MYO15A: variants seen among roughly 807,000 people sequenced by gnomAD.
The protein encoded by MYO15A is myosin XVA, also known as unconventional myosin-XV.
A neutral mutation model predicts 394.6 loss-of-function variants in MYO15A; 308 were observed. That is an observed-to-expected ratio of 0.78 (90% confidence interval 0.71 to 0.86). MYO15A has a LOEUF of 0.86. Among genes scored for constraint, MYO15A ranks in the 40% least tolerant of loss-of-function variants. The pLI, the probability that MYO15A is intolerant of heterozygous loss-of-function variation, is 0.00. For missense variants in MYO15A, 4,606 were observed against 4,799.1 expected, an observed-to-expected ratio of 0.96 and a Z score of 1.19; for synonymous variants, 1,957 against 2,003.8, an observed-to-expected ratio of 0.98 and a Z score of 0.62.
chr17:18,112,130 C>T lies in MYO15A; in HGVS notation c.-220+3306C>T, dbSNP rs553578196. Among the ~76,000 whole-genome samples the T allele has an allele frequency of 6.2e-4, 95 of 152,350 alleles. 2 individuals carry two copies. Among genetic ancestry groups the T allele is most frequent in the African/African-American group, 2.2e-3 (91 of 41,586 alleles). ...TTCTTCTGGACAGACAGACAAGGCT[C>T]CCCTACTTGGGGCAGACAGAAGGTA... On this transcript the variant is annotated intron_variant, in intron 1 of 65. Transcript: ENST00000647165.
chr17:18,173,951 C>T (rs371384119), intron 65 of MYO15A, 30 bp downstream of exon 65: 43 of 1,607,088 alleles, frequency 2.7e-5, no homozygotes, highest in Non-Finnish European at 3.4e-5. Flanking sequence ...CAACATTCCA[C>T]TCACTGGGCC....
Position 18,118,293 on chromosome 17 carries a change from G to A in MYO15A, c.-219-289G>A, listed in dbSNP as rs712267. On this transcript the variant is annotated intron_variant, in intron 1 of 65. Coordinates refer to ENST00000647165, the MANE Select transcript of MYO15A (RefSeq NM_016239.4). ...CTCCAAGATGACTTGGTGGGCTTTG[G>A]CCATCCCACCCTAGGCCCCACTTCT... Among the ~76,000 whole-genome samples, 70,279 of 151,940 alleles carry A rather than the reference G, an allele frequency of 0.46. 17,996 individuals are homozygous for A. Among genetic ancestry groups the A allele is most frequent in the South Asian group, 0.71 (3,398 of 4,814 alleles).
chr17:18,166,250 G>A, intron 60 of MYO15A, 111 bp from the exon 61 acceptor site: 1 of 1,445,354 alleles, frequency 6.9e-7, no homozygotes, highest in Non-Finnish European at 9.5e-7. Context: ...CTTGTCCGAG[G>A]TGATACCTCA....
rs1288305877 is a variant in MYO15A at position 18,132,578 on chromosome 17, C to T, written c.4320+12C>T. ...ACTATCTGAACCAGGTGAGTGCCAG[C>T]AGGCATCTGAAGGCCCCTGGCCCTG... On this transcript the variant is annotated intron_variant, in intron 11 of 65. Transcript: ENST00000647165. This position sits in a 1 kb window ranked among gnomAD's most constrained non-coding sequence, Gnocchi z 4.6. 3 of 1,606,084 alleles carry T rather than the reference C, an allele frequency of 1.9e-6. No homozygotes were observed. Among genetic ancestry groups the T allele is most frequent in the Non-Finnish European group, 2.5e-6 (3 of 1,177,768 alleles).
chr17:18,155,178 G>C lies in MYO15A; in HGVS notation c.8293G>C (p.Ala2765Pro). ...CGTGAAGCGGGCCGTGGTCAGCACT[G>C]CACGAGACACCTGGGAGGTCTACTT... ...ESVKRAVVST[A>P]RDTWEVYFSR... Residue 2765 changes from alanine (A) to proline (P), a missense_variant, in exon 46 of 66, where the codon GCA becomes CCA. By Grantham distance (27) the Ala-to-Pro change is conservative. Transcript: ENST00000647165. 2 of 1,614,010 alleles carry C rather than the reference G, an allele frequency of 1.2e-6. No homozygotes were observed. Among genetic ancestry groups the C allele is most frequent in the African/African-American group, 1.3e-5 (1 of 75,064 alleles).
chr17:18,126,409 G>A lies in MYO15A; in HGVS notation c.3819G>A (p.Pro1273=), dbSNP rs577577209. 7.2e-5 allele frequency: 116 copies of A among 1,613,998 alleles called. No homozygotes were observed. Among genetic ancestry groups the A allele is most frequent in the East Asian group, 2.0e-4 (9 of 44,864 alleles). ...ACCAAATGTTTGGAATCTATGGGCC[G>A]GAGCAGGTGCAGCAGTACAACGGAC... The part of the protein sequence containing the change: ...NPYQMFGIYG[P]EQVQQYNGRA... The change falls in exon 5 of 66, where the codon CCG becomes CCA. Residue 1273 remains proline, a synonymous_variant. Transcript: ENST00000647165.
At position 18,160,076 on chromosome 17, in the gene MYO15A, C is replaced by G. The variant is rs1055063597; in HGVS notation, c.9386+59C>G. ...CACTGTGTCCATGCTCCAGGAGGGA[C>G]CAGTTCAGCCTCCCACCTCCTCAGG... On this transcript the variant is annotated intron_variant, in intron 56 of 65. Coordinates refer to ENST00000647165, the MANE Select transcript of MYO15A (RefSeq NM_016239.4). 25 of 1,528,780 alleles carry G rather than the reference C, an allele frequency of 1.6e-5. No homozygotes were observed. In the Admixed American group the frequency reaches 3.5e-4, roughly 21 times the overall value. The allele number at this position is 1,528,780 out of a possible 1,614,324, so 94.7% of individuals were successfully genotyped here.
Position 18,158,656 on chromosome 17 carries a change from C to A in MYO15A, c.9083+18C>A, listed in dbSNP as rs1278893907. The A allele has an allele frequency of 1.2e-6, 2 of 1,611,054 alleles. No individual in the cohort carries two copies. The highest frequency in any genetic ancestry group is 2.7e-5 in the African/African-American group (2 of 74,860). Reference sequence around the variant, plus strand: ...AGACCCCAGTGAGTGGCGGCCCCACCCCTCTTCCCACAGTGGGAGGGTGCT... The same window carrying A: ...AGACCCCAGTGAGTGGCGGCCCCACACCTCTTCCCACAGTGGGAGGGTGCT... On this transcript the variant is annotated intron_variant, in intron 52 of 65. Coordinates refer to ENST00000647165, the MANE Select transcript of MYO15A (RefSeq NM_016239.4).
In MYO15A at chr17:18,131,323, G is replaced by C; in HGVS notation, c.4123G>C (p.Val1375Leu). Residue 1375 changes from valine to leucine, a missense_variant, in exon 9 of 66, where the codon GTG becomes CTG. By Grantham distance (32) the Val-to-Leu change is conservative. Transcript: ENST00000647165. ...NDNSSRFGKF[V>L]EIFLEGGVIS... Reference sequence around the variant, plus strand: ...CAACTCCAGCCGCTTTGGGAAGTTTGTGGAAATCTTTCTGGAAGGGTGAGT... The same window carrying C: ...CAACTCCAGCCGCTTTGGGAAGTTTCTGGAAATCTTTCTGGAAGGGTGAGT... The C allele has an allele frequency of 6.2e-7, 1 of 1,614,128 alleles. No homozygotes were observed. The highest frequency in any genetic ancestry group is 8.5e-7 in the Non-Finnish European group (1 of 1,180,008).
Position 18,130,809 on chromosome 17 carries a change from A to G in MYO15A, c.4037A>G (p.Lys1346Arg), listed in dbSNP as rs2046141865. The G allele has an allele frequency of 1.3e-6, 2 of 1,586,452 alleles. No homozygotes were observed. Among genetic ancestry groups the G allele is most frequent in the Non-Finnish European group, 1.7e-6 (2 of 1,169,692 alleles). Reference sequence around the variant, plus strand: ...CCCTCCTGGACGCTCTTGAAGATAAAGGTACTCAGTGTGTGTGTGTGTGTG... The same window carrying G: ...CCCTCCTGGACGCTCTTGAAGATAAGGGTACTCAGTGTGTGTGTGTGTGTG... ...NQKREVMQQI[K>R]ILEATPLLES... The change falls in exon 8 of 66, where the codon AAG becomes AGG. Residue 1346 changes from lysine (K) to arginine (R), a missense_variant and splice_region_variant. This residue lies in a region of MYO15A where 2,776 missense variants were observed against 3,109.3 expected (regional missense o/e 0.89). Transcript: ENST00000647165.
intron 1 of MYO15A, among the ~76,000 whole-genome samples, chr17:18,116,833 T>G (rs2045793362): frequency 6.6e-6 from 1 of 151,940 alleles, no homozygotes; most frequent in Admixed American, 6.6e-5. Flanking sequence ...GGCACAAGAA[T>G]TGCTTGAACC....
intron 56 of MYO15A, chr17:18,160,704 C>T (rs1210218618): frequency 9.9e-6 from 2 of 202,552 alleles, no homozygotes; most frequent in Non-Finnish European, 2.0e-5. Flanking sequence ...GGTGGTTTCC[C>T]AAAGGAAGCC....
In MYO15A at chr17:18,136,434, G is replaced by T; in HGVS notation, c.4614G>T (p.Lys1538Asn). 1 of 1,613,838 alleles carries T rather than the reference G, an allele frequency of 6.2e-7. No homozygotes were observed. Among genetic ancestry groups the T allele is most frequent in the African/African-American group, 1.3e-5 (1 of 75,062 alleles). The change falls in exon 14 of 66, where the codon AAG becomes AAT. Residue 1538 changes from lysine to asparagine, a missense_variant. Around this residue, in one of 2 missense-constraint regions of MYO15A, gnomAD observed 2,776 missense variants for 3,109.3 expected, o/e 0.89. Transcript: ENST00000647165. ...TFKVTETMREKIFTPLTVESA... is the reference protein window; with the variant it reads ...TFKVTETMRENIFTPLTVESA... ...GTCCCTAGGAGACAATGCGAGAGAA[G>T]ATCTTCACGCCCCTAACTGTGGAGA...
At position 18,132,767 on chromosome 17, in the gene MYO15A, C is replaced by A. The variant is rs898740089; in HGVS notation, c.4320+201C>A. On this transcript the variant is annotated intron_variant, in intron 11 of 65. Coordinates refer to ENST00000647165, the MANE Select transcript of MYO15A (RefSeq NM_016239.4). This position sits in a 1 kb window ranked among gnomAD's most constrained non-coding sequence, Gnocchi z 4.6. ...GGGTCCAAAGCGGAAGCAGGAAAGG[C>A]CTACCTGACTTCATTTCTCTGGAAC... 1.3e-5 allele frequency among the ~76,000 whole-genome samples: 2 copies of A among 152,166 alleles called. No homozygotes were observed. Among genetic ancestry groups the A allele is most frequent in the African/African-American group, 4.8e-5 (2 of 41,446 alleles).
intron 34 of MYO15A, 41 bp from the exon 35 acceptor site, chr17:18,149,445 C>G: frequency 6.2e-7 from 1 of 1,614,004 alleles, no homozygotes; most frequent in Non-Finnish European, 8.5e-7. Flanking sequence ...TGGAAATCAT[C>G]AAGAAAAAAG....
At chr17:18,124,747 T>C (rs1212760101) in intron 3 of MYO15A, 182 bp downstream of exon 3, 3 of 646,718 alleles carry the variant, frequency 4.6e-6, no homozygotes, top group South Asian at 3.8e-5. Context: ...TTGGTTCAAA[T>C]CCTAGCCCCA....
intron 1 of MYO15A, chr17:18,109,805 T>C (rs1211428439): frequency 1.3e-5 from 2 of 152,216 alleles, no homozygotes; most frequent in Non-Finnish European, 2.9e-5. Context: ...CTCAGGTACA[T>C]AGGAGCCAAA....
chr17:18,148,003 T>C lies in MYO15A; in HGVS notation c.6510-26T>C. The C allele has an allele frequency of 6.2e-7, 1 of 1,613,924 alleles. No homozygotes were observed. Among genetic ancestry groups the C allele is most frequent in the Non-Finnish European group, 8.5e-7 (1 of 1,179,966 alleles). On this transcript the variant is annotated intron_variant, in intron 30 of 65. Transcript: ENST00000647165. This position sits in a 1 kb window ranked among gnomAD's most constrained non-coding sequence, Gnocchi z 4.8. Reference sequence around the variant, plus strand: ...CAAGCTAGCTTCAGATCCTTCTTGATCCTGGCTCCAACTCCTACCCATCAG... The same window carrying C: ...CAAGCTAGCTTCAGATCCTTCTTGACCCTGGCTCCAACTCCTACCCATCAG...
In MYO15A at chr17:18,120,711, C is replaced by T. The variant is rs1323067378; in HGVS notation, c.1911C>T (p.Ser637=). Residue 637 remains serine, a synonymous_variant, in exon 2 of 66, where the codon AGC becomes AGT. Transcript: ENST00000647165. ...GGAGGGCCCAGCCACGCGCTCGCAG[C>T]AGCAACGACGCGCGCCGCCCGCCCG... is the stretch of plus-strand genomic sequence containing the variant. ...VLRRAQPRAR[S]SNDARRPPAP... is the part of the protein sequence containing the mutation. The T allele has an allele frequency of 2.6e-6, 4 of 1,518,382 alleles. No individual in the cohort carries two copies. Among genetic ancestry groups the T allele is most frequent in the East Asian group, 2.6e-5 (1 of 38,954 alleles). 94.1% of individuals were successfully genotyped at this position (1,518,382 alleles called of 1,614,324 possible). A position where few individuals can be genotyped will look rare whatever the true frequency, so the allele number is the denominator to read the frequency against.
Sources: allele counts gnomAD v4.1 joint callset (sites outside exome capture counted in the v4.1 genomes callset), GRCh38; gene constraint gnomAD v4.1.1; regional missense constraint gnomAD v4.1.1; non-coding constraint Gnocchi (gnomAD v3.1); transcripts MANE v1.5; gene names NCBI Gene and HGNC (gene_info 2026-07-23, HGNC 2026-07-21).